The following GPC5 variants were observed in gnomAD, a reference collection of about 807,000 sequenced individuals.
The protein encoded by GPC5 is glypican 5.
GPC5 carries 47 observed loss-of-function variants against 53.9 expected under a neutral mutation model. That is an observed-to-expected ratio of 0.87 (90% confidence interval 0.69 to 1.11). GPC5 has a LOEUF of 1.11. Ranked by LOEUF, GPC5 falls within the 50% of genes most tolerant of loss-of-function variation. GPC5 has a pLI of 0.00. For missense variants in GPC5, 748 were observed against 713.1 expected (o/e 1.05, Z -0.56); for synonymous variants, 286 against 263.3 (o/e 1.09, Z -0.84).
chr13:92,660,088 T>C (rs1159436856), intron 7 of GPC5, among the ~76,000 whole-genome samples: 2 of 152,232 alleles, frequency 1.3e-5, no homozygotes, highest in African/African-American at 4.8e-5. Context: ...TGGCAGTAAT[T>C]CCTTATTACA....
intron 6 of GPC5, among the ~76,000 whole-genome samples, chr13:92,027,207 G>C (rs2040807776): frequency 6.6e-6 from 1 of 152,116 alleles, no homozygotes. Flanking sequence ...AGGAATTATA[G>C]AGCTATCAAT....
intron 7 of GPC5, among the ~76,000 whole-genome samples, chr13:92,190,354 A>G (rs1375456028): frequency 1.3e-5 from 2 of 152,246 alleles, no homozygotes; most frequent in Non-Finnish European, 2.9e-5. Context: ...AGAAAAAATT[A>G]TATAGGTCCT....
intron 6 of GPC5, among the ~76,000 whole-genome samples, chr13:91,942,667 GATATA>G (rs1392611204): frequency 1.7e-4 from 4 of 23,962 alleles, no homozygotes; most frequent in Admixed American, 5.8e-4. Flanking sequence ...AAAAAATATA[GATATA>G]GATATACTAC....
intron 7 of GPC5, among the ~76,000 whole-genome samples, chr13:92,619,362 A>G: frequency 6.6e-6 from 1 of 151,962 alleles, no homozygotes; most frequent in East Asian, 1.9e-4. Context: ...TTATTATTTA[A>G]AATAGAAGAG....
intron 6 of GPC5, among the ~76,000 whole-genome samples, chr13:91,982,059 A>C (rs2040364872): frequency 3.3e-5 from 5 of 152,294 alleles, no homozygotes; most frequent in Admixed American, 2.0e-4. Context: ...TAATCCAAAA[A>C]TCCATAGAGA....
chr13:91,678,989 T>A (rs1357311169), intron 2 of GPC5, among the ~76,000 whole-genome samples: 1 of 152,088 alleles, frequency 6.6e-6, no homozygotes, highest in Non-Finnish European at 1.5e-5. Context: ...TGTCCTGGGG[T>A]AAACATTGTA....
intron 6 of GPC5, among the ~76,000 whole-genome samples, chr13:92,081,800 A>G (rs1298431884): frequency 6.6e-6 from 1 of 152,198 alleles, no homozygotes; most frequent in African/African-American, 2.4e-5. Context: ...GATGAAATTA[A>G]CCCATTTTAA....
At position 92,036,604 on chromosome 13, in the gene GPC5, C is replaced by A. The variant is rs187134742; in HGVS notation, c.1402-108226C>A. ...TTTGCTTCAAACTTTATTTTGTTCT[C>A]CACACTTAATATTTAATAACCTTTC... On this transcript the variant is annotated intron_variant, in intron 6 of 7. Transcript: ENST00000377067. Among the ~76,000 whole-genome samples the A allele has an allele frequency of 2.3e-3, 352 of 152,224 alleles. 2 individuals are homozygous for A. The highest frequency in any genetic ancestry group is 0.014 in the South Asian group (67 of 4,814).
At chr13:91,428,837 T>C (rs1232399341) in intron 1 of GPC5, among the ~76,000 whole-genome samples, 1 of 152,188 alleles carries the variant, frequency 6.6e-6, no homozygotes, top group African/African-American at 2.4e-5. Flanking sequence ...CATACCACTT[T>C]CAAGTTTGTT....
intron 7 of GPC5, among the ~76,000 whole-genome samples, chr13:92,752,532 G>C (rs71427598): frequency 0.011 from 1,693 of 152,270 alleles, 18 homozygotes; most frequent in Non-Finnish European, 0.016. Flanking sequence ...CTCCCAGCGT[G>C]AGCGACGCAG....
intron 7 of GPC5, among the ~76,000 whole-genome samples, chr13:92,839,848 G>A (rs373051205): frequency 6.6e-6 from 1 of 151,624 alleles, no homozygotes; most frequent in African/African-American, 2.4e-5. Context: ...ACCCTTCCAC[G>A]TATCTTATCA....
chr13:91,580,971 A>T (rs1234961644), intron 2 of GPC5, among the ~76,000 whole-genome samples: 1 of 152,206 alleles, frequency 6.6e-6, no homozygotes, highest in African/African-American at 2.4e-5. Context: ...GATGAAGAAA[A>T]CATGTCCTTC....
intron 7 of GPC5, among the ~76,000 whole-genome samples, chr13:92,510,508 A>G (rs1880525551): frequency 6.6e-6 from 1 of 152,176 alleles, no homozygotes; most frequent in Non-Finnish European, 1.5e-5. Flanking sequence ...CTTTTACTCA[A>G]TCTTTAGAAC....
chr13:92,135,554 T>A (rs538754690), intron 6 of GPC5, among the ~76,000 whole-genome samples: 1 of 152,212 alleles, frequency 6.6e-6, no homozygotes, highest in East Asian at 1.9e-4. Flanking sequence ...GGATCAGGAA[T>A]GGTAATGGAG....
intron 5 of GPC5, among the ~76,000 whole-genome samples, chr13:91,841,359 G>T (rs1485199143): frequency 6.7e-6 from 1 of 149,736 alleles, no homozygotes; most frequent in African/African-American, 2.5e-5. Flanking sequence ...GCAACATCAG[G>T]CATGCTAGAT....
chr13:91,422,132 A>C (rs1878681403), intron 1 of GPC5, among the ~76,000 whole-genome samples: 1 of 152,232 alleles, frequency 6.6e-6, no homozygotes, highest in South Asian at 2.1e-4. Flanking sequence ...CTAGGCCTAG[A>C]AGCTGACAAT....
At chr13:92,090,688 C>T (rs2041373111) in intron 6 of GPC5, among the ~76,000 whole-genome samples, 1 of 152,176 alleles carries the variant, frequency 6.6e-6, no homozygotes, top group African/African-American at 2.4e-5. Context: ...TTCTCTTCCT[C>T]TAACTACTTT....
intron 5 of GPC5, among the ~76,000 whole-genome samples, chr13:91,860,757 C>A (rs2039018962): frequency 6.6e-6 from 1 of 152,090 alleles, no homozygotes; most frequent in African/African-American, 2.4e-5. Context: ...CTACCTCGGC[C>A]TTCCAAAGTG....
At chr13:92,037,295 C>A (rs894328709) in intron 6 of GPC5, among the ~76,000 whole-genome samples, 4 of 152,134 alleles carry the variant, frequency 2.6e-5, no homozygotes, top group African/African-American at 9.7e-5. Context: ...AAGTGTATTT[C>A]TACCTTAGGG....
Sources: gnomAD v4.1 joint callset for allele counts (sites outside exome capture counted in the v4.1 genomes callset) on GRCh38, gnomAD v4.1.1 for gene constraint, MANE v1.5 for transcripts, NCBI Gene and HGNC (gene_info 2026-07-23, HGNC 2026-07-21) for gene names.